The following RHEB variants were observed in gnomAD, a reference collection of about 807,000 sequenced individuals.
RHEB encodes GTP-binding protein Rheb.
A neutral mutation model predicts 28.8 loss-of-function variants in RHEB; 2 were observed. The observed-to-expected ratio is 0.07, with a 90% CI of 0.03 to 0.22. The LOEUF (loss-of-function observed/expected upper bound fraction) is 0.22, where lower values mean the gene tolerates loss of function less well. Ranked by LOEUF, RHEB falls within the 10% of genes least tolerant of loss-of-function variation. The pLI, the probability that RHEB is intolerant of heterozygous loss-of-function variation, is 1.00. For missense variants in RHEB, 76 were observed against 219.9 expected (o/e 0.35, Z 4.14); for synonymous variants, 69 against 77.3 (o/e 0.89, Z 0.56).
At chr7:151,479,626 T>C (rs975965213) in intron 3 of RHEB, among the ~76,000 whole-genome samples, 26 of 143,152 alleles carry the variant, frequency 1.8e-4, no homozygotes, top group African/African-American at 6.9e-4. Context: ...GAGCTTGCAG[T>C]GAGCCGAGAT....
At chr7:151,515,181 G>A (rs1803056719) in intron 1 of RHEB, among the ~76,000 whole-genome samples, 1 of 151,958 alleles carries the variant, frequency 6.6e-6, no homozygotes, top group Admixed American at 6.6e-5. Flanking sequence ...AGGAAGAAGC[G>A]ACATATGCTA....
At chr7:151,503,119 G>C (rs991543294) in intron 1 of RHEB, 9 of 813,650 alleles carry the variant, frequency 1.1e-5, no homozygotes, top group Non-Finnish European at 1.8e-5. Context: ...AAATTCTAAT[G>C]GTCTATGAAA....
At chr7:151,469,932 CA>C (rs1455891651) in intron 7 of RHEB, among the ~76,000 whole-genome samples, 1 of 151,332 alleles carries the variant, frequency 6.6e-6, no homozygotes, top group Non-Finnish European at 1.5e-5. Flanking sequence ...TTAAGGGCAG[CA>C]AAAAAAATGT....
At chr7:151,507,473 T>C (rs73478513) in intron 1 of RHEB, among the ~76,000 whole-genome samples, 1 of 152,006 alleles carries the variant, frequency 6.6e-6, no homozygotes, top group African/African-American at 2.4e-5. Context: ...AATCCCCACA[T>C]GTCCGTCATA....
At chr7:151,489,233 T>C (rs1051138786) in intron 2 of RHEB, among the ~76,000 whole-genome samples, 3 of 152,210 alleles carry the variant, frequency 2.0e-5, no homozygotes, top group African/African-American at 7.2e-5. Context: ...GGATCTAAAA[T>C]CCTAAATTGC....
At chr7:151,474,737 A>C (rs1268316817) in intron 4 of RHEB, among the ~76,000 whole-genome samples, 1 of 152,236 alleles carries the variant, frequency 6.6e-6, no homozygotes, top group Admixed American at 6.5e-5. Flanking sequence ...GTTTTATGAT[A>C]TAAAGGAATA....
chr7:151,484,851 G>A (rs367839203), intron 2 of RHEB, 47 bp from the exon 3 acceptor site: 55 of 1,302,032 alleles, frequency 4.2e-5, no homozygotes, highest in African/African-American at 3.6e-4. Flanking sequence ...AAATTAACTC[G>A]AAACCACCTG....
At chr7:151,483,123 A>G (rs539277168) in intron 3 of RHEB, among the ~76,000 whole-genome samples, 2 of 152,332 alleles carry the variant, frequency 1.3e-5, no homozygotes, top group South Asian at 2.1e-4. Flanking sequence ...TCTGTGTACA[A>G]GCTCAAAGAG....
At chr7:151,503,394 G>A in intron 1 of RHEB, 1 of 1,121,084 alleles carries the variant, frequency 8.9e-7, no homozygotes, top group Non-Finnish European at 1.4e-6. Flanking sequence ...GTATCCTGCA[G>A]TACCGAGTAG....
chr7:151,479,365 C>A (rs1327454705), intron 3 of RHEB, among the ~76,000 whole-genome samples: 1 of 151,970 alleles, frequency 6.6e-6, no homozygotes, highest in African/African-American at 2.4e-5. Context: ...GATGGGAGAG[C>A]TTAAAATACA....
chr7:151,477,299 G>T, intron 4 of RHEB, 34 bp downstream of exon 4: 2 of 1,224,468 alleles, frequency 1.6e-6, no homozygotes, highest in Non-Finnish European at 2.4e-6. Flanking sequence ...TCTATGAGTA[G>T]CAAATCAACT....
chr7:151,517,912 A>C (rs1187191782), intron 1 of RHEB: 1 of 152,194 alleles, frequency 6.6e-6, no homozygotes, highest in African/African-American at 2.4e-5. Context: ...GGGAAGGCTC[A>C]CCCAAGAGCC....
chr7:151,500,235 A>C (rs1802750042), intron 1 of RHEB, among the ~76,000 whole-genome samples: 2 of 152,256 alleles, frequency 1.3e-5, no homozygotes, highest in South Asian at 4.1e-4. Context: ...TGGACTAGAA[A>C]TAAAAACTGG....
Position 151,472,769 on chromosome 7 carries a change from G to A in RHEB, c.276-1164C>T, listed in dbSNP as rs1802186651. Among the ~76,000 whole-genome samples, 1 of 152,210 alleles carries A rather than the reference G, an allele frequency of 6.6e-6. No individual in the cohort carries two copies. Among genetic ancestry groups the A allele is most frequent in the Non-Finnish European group, 1.5e-5 (1 of 68,044 alleles). On this transcript the variant is annotated intron_variant, in intron 4 of 7. Coordinates refer to ENST00000262187, the MANE Select transcript of RHEB (RefSeq NM_005614.4). The surrounding 1 kb of genome is among the most constrained non-coding windows in gnomAD (Gnocchi z 5.2). ...GCATCACAAGCTTCAGAATAAGTTA[G>A]CTTGTTGAATGAATTACACACTGTG...
chr7:151,470,835 G>T (rs1802149059), intron 6 of RHEB, among the ~76,000 whole-genome samples, 183 bp from the exon 7 acceptor site: 1 of 152,216 alleles, frequency 6.6e-6, no homozygotes, highest in Non-Finnish European at 1.5e-5. Flanking sequence ...CCTGAGCTGG[G>T]GAACAGAATA....
rs575895729 is a variant in RHEB at position 151,469,089 on chromosome 7, G to A, written c.462+1482C>T. On this transcript the variant is annotated intron_variant, in intron 7 of 7. Coordinates refer to ENST00000262187, the MANE Select transcript of RHEB (RefSeq NM_005614.4). ...ATCTCAATTCTTATTTGAATTCTGT[G>A]TATACTCAGAAACTGAGCTGACTTC... Among the ~76,000 whole-genome samples, 20 of 152,262 alleles carry A rather than the reference G, an allele frequency of 1.3e-4. 1 individual carries two copies. The South Asian group carries it at 4.1e-3, about 32-fold the overall frequency.
Position 151,504,947 on chromosome 7 carries a change from T to TA in RHEB, c.53-13934dup, listed in dbSNP as rs933436542. Among the ~76,000 whole-genome samples the TA allele has an allele frequency of 4.6e-5, 7 of 151,684 alleles. No homozygotes were observed. In the South Asian group the frequency reaches 1.5e-3, roughly 32 times the overall value. On this transcript the variant is annotated intron_variant, in intron 1 of 7. Transcript: ENST00000262187. ...TACAGGTGTGGGACCTCAAGTTTTT[T>TA]AAAAAATCTTCACCCTTACCTCATA...
chr7:151,467,540 C>T (rs1368154261), intron 7 of RHEB, among the ~76,000 whole-genome samples: 1 of 152,136 alleles, frequency 6.6e-6, no homozygotes, highest in East Asian at 1.9e-4. Flanking sequence ...GTCCTCTGAC[C>T]TCAGGGTCCC....
rs554537933 is a variant in RHEB at position 151,468,011 on chromosome 7, G to A, written c.463-800C>T. 1.3e-5 allele frequency among the ~76,000 whole-genome samples: 2 copies of A among 152,066 alleles called. No individual in the cohort carries two copies. The highest frequency in any genetic ancestry group is 2.1e-4 in the South Asian group (1 of 4,794). On this transcript the variant is annotated intron_variant, in intron 7 of 7. Coordinates refer to ENST00000262187, the MANE Select transcript of RHEB (RefSeq NM_005614.4). The surrounding 1 kb of genome is among the most constrained non-coding windows in gnomAD (Gnocchi z 4.3). ...ACCAGGACAACAGGCCTGAGCCACCGTGACTCCCAGACCCTGTCCTTGAAA... is the reference window on the plus strand; with the variant it reads ...ACCAGGACAACAGGCCTGAGCCACCATGACTCCCAGACCCTGTCCTTGAAA...
Sources: gnomAD v4.1 joint callset for allele counts (sites outside exome capture counted in the v4.1 genomes callset) on GRCh38, gnomAD v4.1.1 for gene constraint, Gnocchi (gnomAD v3.1) non-coding constraint, MANE v1.5 for transcripts, NCBI Gene and HGNC (gene_info 2026-07-23, HGNC 2026-07-21) for gene names.